Variants in PRKACB observed in about 807,000 individuals in gnomAD.
PRKACB encodes cAMP-dependent protein kinase catalytic subunit beta.
PRKACB carries 16 observed loss-of-function variants against 51.4 expected under a neutral mutation model. The ratio of observed to expected loss-of-function variants is 0.31; its 90% CI spans 0.21 to 0.47. The LOEUF is 0.47. PRKACB is among the 20% of genes least tolerant of loss of function. The pLI is 1.00. For synonymous variants in PRKACB, 147 were observed against 154.4 expected (o/e 0.95, Z 0.35); for missense variants, 309 against 464.5 (o/e 0.67, Z 3.08).
chr1:84,113,512 C>A (rs566104272), intron 1 of PRKACB, among the ~76,000 whole-genome samples: 3 of 152,212 alleles, frequency 2.0e-5, no homozygotes, highest in African/African-American at 7.2e-5. Context: ...ATGTGCACTT[C>A]TAGAAAAATA....
intron 8 of PRKACB, among the ~76,000 whole-genome samples, chr1:84,203,051 A>T (rs1473689251): frequency 6.6e-6 from 1 of 152,056 alleles, no homozygotes. Flanking sequence ...TATCACAAAG[A>T]ACAGGATCAT....
chr1:84,191,318 A>T (rs1020357018), intron 5 of PRKACB, among the ~76,000 whole-genome samples: 1 of 151,752 alleles, frequency 6.6e-6, no homozygotes, highest in African/African-American at 2.4e-5. Flanking sequence ...CTTAGATGGA[A>T]TTTTTTTTCT....
chr1:84,094,709 C>T (rs1204790471), intron 1 of PRKACB, among the ~76,000 whole-genome samples: 1 of 151,954 alleles, frequency 6.6e-6, no homozygotes, highest in Non-Finnish European at 1.5e-5. Flanking sequence ...TGTACTCTCT[C>T]TCACACACAC....
chr1:84,086,275 C>T (rs1647979497), intron 1 of PRKACB: 1 of 1,356,906 alleles, frequency 7.4e-7, no homozygotes, highest in South Asian at 1.2e-5. Context: ...CCATGGGACC[C>T]CAGTAGAACT....
chr1:84,175,155 GT>G, intron 1 of PRKACB: 1 of 1,088,222 alleles, frequency 9.2e-7, no homozygotes, highest in Non-Finnish European at 1.2e-6. Flanking sequence ...ATATTTTTAA[GT>G]ATATCAAGTT....
intron 7 of PRKACB, among the ~76,000 whole-genome samples, chr1:84,200,135 C>T (rs1485783084): frequency 4.1e-5 from 6 of 146,052 alleles, no homozygotes; most frequent in Non-Finnish European, 7.8e-5. Flanking sequence ...GGGTGAGCCA[C>T]TATGCCCTTC....
chr1:84,173,382 T>A, intron 1 of PRKACB: 2 of 1,526,276 alleles, frequency 1.3e-6, no homozygotes, highest in Non-Finnish European at 1.8e-6. Context: ...TACAGAATAA[T>A]TCTGTTACTT....
At chr1:84,190,736 T>C (rs1291163878) in intron 5 of PRKACB, among the ~76,000 whole-genome samples, 1 of 152,072 alleles carries the variant, frequency 6.6e-6, no homozygotes. Flanking sequence ...TTTATTTTGT[T>C]AGTAACTTTT....
chr1:84,127,465 C>G (rs1651721504), intron 1 of PRKACB, among the ~76,000 whole-genome samples: 1 of 152,136 alleles, frequency 6.6e-6, no homozygotes, highest in South Asian at 2.1e-4. Context: ...TATTAAAAAT[C>G]TATCTTTCCA....
At chr1:84,210,869 A>G (rs1476317062) in intron 8 of PRKACB, among the ~76,000 whole-genome samples, 1 of 152,182 alleles carries the variant, frequency 6.6e-6, no homozygotes, top group East Asian at 1.9e-4. Flanking sequence ...CAACAAGGAA[A>G]TTACATTTCA....
chr1:84,179,972 T>G (rs1374490116), intron 2 of PRKACB, among the ~76,000 whole-genome samples: 1 of 143,970 alleles, frequency 6.9e-6, no homozygotes, highest in Non-Finnish European at 1.5e-5. Context: ...CAGGCCCCGG[T>G]GTGTGATGTT....
intron 8 of PRKACB, among the ~76,000 whole-genome samples, chr1:84,210,866 G>A (rs973139691): frequency 1.3e-5 from 2 of 152,014 alleles, no homozygotes; most frequent in Non-Finnish European, 2.9e-5. Flanking sequence ...AGTCAACAAG[G>A]AAATTACATT....
At chr1:84,213,156 A>G (rs977408406) in intron 8 of PRKACB, among the ~76,000 whole-genome samples, 1 of 152,146 alleles carries the variant, frequency 6.6e-6, no homozygotes, top group African/African-American at 2.4e-5. Flanking sequence ...CCAGATATGT[A>G]TACACATACA....
At chr1:84,183,947 AG>A in intron 3 of PRKACB, 89 bp from the exon 4 acceptor site, 1 of 1,310,844 alleles carries the variant, frequency 7.6e-7, no homozygotes, top group African/African-American at 1.5e-5. Context: ...TGCTTATCCA[AG>A]TTTATTACTA....
intron 1 of PRKACB, among the ~76,000 whole-genome samples, chr1:84,116,599 G>T (rs1650654305): frequency 6.6e-6 from 1 of 151,758 alleles, no homozygotes; most frequent in Admixed American, 6.6e-5. Context: ...AATATGATTG[G>T]CTTTATTTCT....
intron 1 of PRKACB, among the ~76,000 whole-genome samples, chr1:84,177,915 A>G (rs536966434): frequency 6.6e-6 from 1 of 152,018 alleles, no homozygotes; most frequent in Non-Finnish European, 1.5e-5. Context: ...TCTTTTTCTC[A>G]GTTTTTCTAA....
At chr1:84,085,942 CCTGA>C (rs1647942615) in intron 1 of PRKACB, 1 of 690,842 alleles carries the variant, frequency 1.4e-6, no homozygotes, top group East Asian at 2.5e-5. Context: ...CCAGGATGGA[CCTGA>C]CTTTCAAGAC....
chr1:84,198,386 A>G (rs1265697959), intron 7 of PRKACB, among the ~76,000 whole-genome samples: 3 of 152,120 alleles, frequency 2.0e-5, no homozygotes, highest in Non-Finnish European at 2.9e-5. Flanking sequence ...CTCTGCCATC[A>G]CTTGGTGGAG....
chr1:84,195,845 G>A (rs754800100), intron 5 of PRKACB, among the ~76,000 whole-genome samples: 8 of 151,544 alleles, frequency 5.3e-5, no homozygotes, highest in Non-Finnish European at 1.2e-4. Flanking sequence ...CCCAGGAGGC[G>A]GAGTTTGCAG....
Sources: gnomAD v4.1 joint callset for allele counts (sites outside exome capture counted in the v4.1 genomes callset) on GRCh38, gnomAD v4.1.1 for gene constraint, MANE v1.5 for transcripts, NCBI Gene and HGNC (gene_info 2026-07-23, HGNC 2026-07-21) for gene names.